FOCAD: variants seen among roughly 807,000 people sequenced by gnomAD.
FOCAD encodes focadhesin.
In FOCAD, 198 loss-of-function variants were observed where a neutral mutation model predicts 225.6. The ratio of observed to expected loss-of-function variants is 0.88; its 90% CI spans 0.78 to 0.99. The LOEUF (loss-of-function observed/expected upper bound fraction) is 0.99. FOCAD is among the 50% of genes least tolerant of loss of function. FOCAD has a pLI of 0.00. For missense variants in FOCAD, 2,713 were observed against 2,123.6 expected, an observed-to-expected ratio of 1.28 and a Z score of -5.46; for synonymous variants, 897 against 755.0, an observed-to-expected ratio of 1.19 and a Z score of -3.08.
chr9:20,953,097 T>G (rs377620908), intron 35 of FOCAD, 32 bp downstream of exon 35: 33 of 1,533,886 alleles, frequency 2.2e-5, no homozygotes, highest in Non-Finnish European at 3.0e-5. Flanking sequence ...ATTTTATCAT[T>G]CTATCTCCAT....
chr9:20,869,206 T>C lies in FOCAD; in HGVS notation c.2190+2194T>C, dbSNP rs576317420. 1.2e-4 allele frequency among the ~76,000 whole-genome samples: 19 copies of C among 152,290 alleles called. No homozygotes were observed. In the Middle Eastern group the frequency reaches 0.014, roughly 109 times the overall value. On this transcript the variant is annotated intron_variant, in intron 18 of 43. Coordinates refer to ENST00000338382, the MANE Select transcript of FOCAD (RefSeq NM_001375567.1). ...TTTGTTGACAGACATTACTCTGCACTAAGGGCAATTGGTTTACACACAAGA... is the reference window on the plus strand; with the variant it reads ...TTTGTTGACAGACATTACTCTGCACCAAGGGCAATTGGTTTACACACAAGA...
intron 15 of FOCAD, among the ~76,000 whole-genome samples, chr9:20,850,461 G>T (rs1252885441): frequency 6.6e-6 from 1 of 151,718 alleles, no homozygotes; most frequent in Non-Finnish European, 1.5e-5. Flanking sequence ...GATATAAATT[G>T]CTATGGCATT....
chr9:20,680,815 T>C (rs962858239), upstream of FOCAD, among the ~76,000 whole-genome samples: 3 of 152,112 alleles, frequency 2.0e-5, no homozygotes, highest in African/African-American at 4.8e-5. Context: ...TATACATTTA[T>C]TTATTAGAAT....
At chr9:20,823,331 A>T (rs1476210970) in intron 15 of FOCAD, among the ~76,000 whole-genome samples, 1 of 152,084 alleles carries the variant, frequency 6.6e-6, no homozygotes, top group Non-Finnish European at 1.5e-5. Flanking sequence ...CTAGAGATCA[A>T]AGAAAACCAG....
At chr9:20,815,730 A>G (rs532426163) in intron 11 of FOCAD, among the ~76,000 whole-genome samples, 1 of 152,246 alleles carries the variant, frequency 6.6e-6, no homozygotes, top group East Asian at 1.9e-4. Flanking sequence ...ACAGTCAATT[A>G]TAGGACACTT....
At chr9:20,991,511 C>G (rs745759287) in intron 42 of FOCAD, among the ~76,000 whole-genome samples, 1 of 152,046 alleles carries the variant, frequency 6.6e-6, no homozygotes, top group Non-Finnish European at 1.5e-5. Context: ...TGCTTTGTGT[C>G]CCATTTAAAA....
intron 15 of FOCAD, among the ~76,000 whole-genome samples, chr9:20,833,618 C>T (rs1233252551): frequency 6.6e-6 from 1 of 152,028 alleles, no homozygotes; most frequent in African/African-American, 2.4e-5. Context: ...TATAGATTTA[C>T]ATCATCTGCC....
intron 22 of FOCAD, among the ~76,000 whole-genome samples, chr9:20,910,783 GAGTAAAT>G (rs1041805836): frequency 6.6e-6 from 1 of 152,178 alleles, no homozygotes; most frequent in African/African-American, 2.4e-5. Flanking sequence ...CCATGGATCT[GAGTAAAT>G]AGCCCAACAT....
chr9:20,916,612 G>T (rs751802272), intron 23 of FOCAD, among the ~76,000 whole-genome samples: 2 of 152,156 alleles, frequency 1.3e-5, no homozygotes, highest in African/African-American at 4.8e-5. Context: ...TACTCACCAC[G>T]CTGTCTGAGA....
intron 20 of FOCAD, 48 bp downstream of exon 20, chr9:20,882,104 T>A (rs752693230): frequency 5.8e-6 from 9 of 1,540,238 alleles, no homozygotes; most frequent in Non-Finnish European, 7.9e-6. Context: ...CATGTAATGA[T>A]TTAACTTCCA....
intron 28 of FOCAD, among the ~76,000 whole-genome samples, chr9:20,937,760 A>G (rs1161942600): frequency 1.3e-5 from 2 of 152,036 alleles, no homozygotes; most frequent in Admixed American, 6.5e-5. Context: ...GCTTCTGCAC[A>G]GCAAAAGAAA....
In FOCAD at chr9:20,990,300, G is replaced by A; in HGVS notation, c.5182G>A (p.Glu1728Lys). The stretch of plus-strand genomic sequence containing the variant: ...TCCAATGCACAGGGTCACTCTGCAG[G>A]AGGTTCTCACTCTCCTTCCCAATAG... ...RSPMHRVTLQ[E>K]VLTLLPNSMA... The change falls in exon 42 of 44, where the codon GAG becomes AAG. Residue 1728 changes from glutamate to lysine, a missense_variant. By Grantham distance (56) the Glu-to-Lys change is moderately conservative. Transcript: ENST00000338382. 1 of 1,614,116 alleles carries A rather than the reference G, an allele frequency of 6.2e-7. No homozygotes were observed. Among genetic ancestry groups the A allele is most frequent in the Admixed American group, 1.7e-5 (1 of 60,032 alleles).
rs764239712 is a variant in FOCAD, at chr9:20,867,058, T to C, written c.2190+46T>C. On this transcript the variant is annotated intron_variant, in intron 18 of 43. Transcript: ENST00000338382. ...ACTGGTATTTCTTAATTTGCTAGGG[T>C]TTACAACTTTTTCTCTCTCATCTTA... 29 of 1,276,800 alleles carry C rather than the reference T, an allele frequency of 2.3e-5. 1 individual carries two copies. Among genetic ancestry groups the C allele is most frequent in the Admixed American group, 3.9e-5 (2 of 50,750 alleles). The allele number at this position is 1,276,800 out of a possible 1,614,324, so 79.1% of individuals were successfully genotyped here.
intron 5 of FOCAD, among the ~76,000 whole-genome samples, chr9:20,751,911 A>T (rs956476454): frequency 6.9e-6 from 1 of 144,700 alleles, no homozygotes; most frequent in African/African-American, 2.5e-5. Flanking sequence ...AGGGCCAGTG[A>T]TGGTGAGCAT....
intron 18 of FOCAD, among the ~76,000 whole-genome samples, chr9:20,871,766 G>A (rs1265238914): frequency 1.7e-5 from 2 of 115,616 alleles, no homozygotes; most frequent in African/African-American, 6.5e-5. Flanking sequence ...TGTGGGGTGG[G>A]GGGTGGGGGG....
intron 10 of FOCAD, among the ~76,000 whole-genome samples, chr9:20,788,034 A>C (rs1163583556): frequency 6.6e-6 from 1 of 152,246 alleles, no homozygotes; most frequent in Non-Finnish European, 1.5e-5. Flanking sequence ...TCATAGCATC[A>C]TTATTCATTA....
At chr9:20,809,384 G>A (rs1822805821) in intron 11 of FOCAD, among the ~76,000 whole-genome samples, 1 of 152,100 alleles carries the variant, frequency 6.6e-6, no homozygotes, top group African/African-American at 2.4e-5. Flanking sequence ...CTGAGGAACA[G>A]AAGTTTTAAT....
rs1430031928 is a variant in FOCAD at position 20,815,131 on chromosome 9, TTTTTTG to T, written c.1456-4659_1456-4654del. On this transcript the variant is annotated intron_variant, in intron 11 of 43. Transcript: ENST00000338382. ...TATCATTACTTCTCTTTGTTTTTTT[TTTTTTG>T]TTTTTTTTTTTTTTTTTGAGACAGT... is the stretch of plus-strand genomic sequence containing the variant. Among the ~76,000 whole-genome samples the T allele has an allele frequency of 7.0e-3, 608 of 86,260 alleles. 33 individuals carry two copies. The highest frequency in any genetic ancestry group is 0.022 in the African/African-American group (456 of 20,828). 56.6% of individuals were successfully genotyped at this position (86,260 alleles called of 152,430 possible).
intron 7 of FOCAD, among the ~76,000 whole-genome samples, chr9:20,769,425 G>T (rs1817956098): frequency 6.6e-6 from 1 of 152,204 alleles, no homozygotes. Context: ...CCAGAATTTT[G>T]ATCAGAACAG....
Sources: allele counts gnomAD v4.1 joint callset (sites outside exome capture counted in the v4.1 genomes callset), GRCh38; gene constraint gnomAD v4.1.1; transcripts MANE v1.5; gene names NCBI Gene and HGNC (gene_info 2026-07-23, HGNC 2026-07-21).